Variants in MEAK7 observed in about 807,000 individuals in gnomAD.
The protein encoded by MEAK7 is MTOR associated protein MEAK7, also known as MTOR-associated protein MEAK7.
In MEAK7, 68 loss-of-function variants were observed where a neutral mutation model predicts 40.5. That is an observed-to-expected ratio of 1.68 (90% confidence interval 1.38 to 2.06). The LOEUF is 2.06. Among genes scored for constraint, MEAK7 ranks in the 30% most tolerant of loss-of-function variants. MEAK7 has a pLI of 0.00. For synonymous variants in MEAK7, 338 were observed against 231.9 expected (o/e 1.46, Z -4.16); for missense variants, 918 against 580.5 (o/e 1.58, Z -5.98).
chr16:84,495,866 A>C lies in MEAK7; in HGVS notation c.201T>G (p.Tyr67Ter). ...TCAGGTCGACCCTCCGCATGCCATCATACAGCCTGGTGACCATCTCTGGGG... is the reference window on the plus strand; with the variant it reads ...TCAGGTCGACCCTCCGCATGCCATCCTACAGCCTGGTGACCATCTCTGGGG... ...ALPPEMVTRL[Y>*]DGMRRVDLTG... is the part of the protein sequence containing the mutation. Residue 67 changes from tyrosine to a stop codon, truncating the protein, a stop_gained, in exon 3 of 8, where the codon TAT becomes TAG. Coordinates refer to ENST00000343629, the MANE Select transcript of MEAK7 (RefSeq NM_020947.4). LOFTEE classifies it high-confidence loss of function. The C allele has an allele frequency of 6.2e-7, 1 of 1,614,036 alleles. No individual in the cohort carries two copies.
Position 84,480,037 on chromosome 16 carries a change from GAAGA to G in MEAK7, c.1258-15_1258-12del. On this transcript the variant is annotated splice_polypyrimidine_tract_variant and intron_variant, in intron 7 of 7. Transcript: ENST00000343629. ...CTTGTTGCCCTTGGCCTTGAGAAGA[GAAGA>G]AAGGGTGGGTGTGTTCCATGATGGC... 1 of 1,583,008 alleles carries G rather than the reference GAAGA, an allele frequency of 6.3e-7. No individual in the cohort carries two copies. Among genetic ancestry groups the G allele is most frequent in the Non-Finnish European group, 8.6e-7 (1 of 1,158,474 alleles).
At chr16:84,487,926 C>A (rs1005611810) in intron 4 of MEAK7, 2 of 152,198 alleles carry the variant, frequency 1.3e-5, no homozygotes, top group African/African-American at 2.4e-5. Flanking sequence ...TAAGCTCTTG[C>A]TGACACAAAG....
chr16:84,487,827 G>C (rs1454616554), intron 4 of MEAK7: 2 of 152,188 alleles, frequency 1.3e-5, no homozygotes, highest in African/African-American at 4.8e-5. Context: ...CTGGACCTCT[G>C]TGCCTCAGTT....
At chr16:84,480,286 G>C (rs1436441004) in intron 7 of MEAK7, among the ~76,000 whole-genome samples, 1 of 152,090 alleles carries the variant, frequency 6.6e-6, no homozygotes, top group Non-Finnish European at 1.5e-5. Flanking sequence ...GAGAATGAAG[G>C]GCCACCTGGG....
chr16:84,480,835 C>G, intron 6 of MEAK7, 127 bp from the exon 7 acceptor site: 1 of 1,029,896 alleles, frequency 9.7e-7, no homozygotes, highest in East Asian at 2.9e-5. Context: ...TGGTGAATGC[C>G]ATCATCTTGT....
chr16:84,492,479 CT>C (rs934926331), intron 3 of MEAK7, among the ~76,000 whole-genome samples: 2 of 151,710 alleles, frequency 1.3e-5, no homozygotes, highest in South Asian at 2.1e-4. Flanking sequence ...GGTTTTTACC[CT>C]TTTTTTCAAA....
chr16:84,476,987 G>C lies in MEAK7; in HGVS notation c.*2926C>G, dbSNP rs1286341063. 1 of 152,134 alleles carries C rather than the reference G, an allele frequency of 6.6e-6. No homozygotes were observed. Among genetic ancestry groups the C allele is most frequent in the Admixed American group, 6.6e-5 (1 of 15,260 alleles). The allele number at this position is 152,134 out of a possible 1,614,324, so 9.4% of individuals were successfully genotyped here. A position where few individuals can be genotyped will look rare whatever the true frequency, so the allele number is the denominator to read the frequency against. Reference sequence around the variant, plus strand: ...GCTTATAGCAGCCTCAACCTTCCAGGCCTAAATGATCCTCACACCTCAGCC... The same window carrying C: ...GCTTATAGCAGCCTCAACCTTCCAGCCCTAAATGATCCTCACACCTCAGCC... On this transcript the variant is annotated 3_prime_UTR_variant, in exon 8 of 8. Coordinates refer to ENST00000343629, the MANE Select transcript of MEAK7 (RefSeq NM_020947.4).
In MEAK7 at chr16:84,498,845, T is replaced by A. The variant is rs1282269655; in HGVS notation, c.-25-734A>T. Among the ~76,000 whole-genome samples the A allele has an allele frequency of 2.0e-5, 3 of 152,234 alleles. No individual in the cohort carries two copies. The East Asian group carries it at 5.8e-4, about 29-fold the overall frequency. ...TTGAATAAACTCACCTTGAGAATAC[T>A]GCTACACACTAGTTGGGAAGTTTTT... On this transcript the variant is annotated intron_variant, in intron 1 of 7. Coordinates refer to ENST00000343629, the MANE Select transcript of MEAK7 (RefSeq NM_020947.4).
intron 3 of MEAK7, among the ~76,000 whole-genome samples, chr16:84,489,973 C>T (rs372835424): frequency 9.2e-5 from 14 of 152,232 alleles, no homozygotes; most frequent in South Asian, 4.2e-4. Flanking sequence ...GGGCCCCACT[C>T]CTAGGAAAGT....
intron 1 of MEAK7, among the ~76,000 whole-genome samples, chr16:84,501,242 A>C (rs912267745): frequency 1.2e-4 from 18 of 152,150 alleles, no homozygotes; most frequent in African/African-American, 4.1e-4. Flanking sequence ...AGAGACTCAC[A>C]GGTGATTCAC....
At chr16:84,497,631 C>G (rs1231369155) in intron 2 of MEAK7, 1 of 1,377,160 alleles carries the variant, frequency 7.3e-7, no homozygotes, top group Non-Finnish European at 9.6e-7. Context: ...CATTCATTAT[C>G]TACTCCAGGT....
In MEAK7 at chr16:84,504,126, G is replaced by T. The variant is rs1446712366; in HGVS notation, c.-26+475C>A. ...TGTGCTGGCCACCTACATGGCCTGG[G>T]AACAGTTATCAGCTCACTGTCCTGG... On this transcript the variant is annotated intron_variant, in intron 1 of 7. Coordinates refer to ENST00000343629, the MANE Select transcript of MEAK7 (RefSeq NM_020947.4). The T allele has an allele frequency of 1.2e-5, 12 of 985,516 alleles. 1 individual carries two copies. The South Asian group carries it at 3.8e-4, about 31-fold the overall frequency. The allele number at this position is 985,516 out of a possible 1,614,324, so 61.0% of individuals were successfully genotyped here. A position where few individuals can be genotyped will look rare whatever the true frequency, so the allele number is the denominator to read the frequency against.
At chr16:84,494,217 C>T (rs982601875) in intron 3 of MEAK7, among the ~76,000 whole-genome samples, 4 of 152,124 alleles carry the variant, frequency 2.6e-5, no homozygotes, top group Non-Finnish European at 4.4e-5. Context: ...ACTTATTTTA[C>T]AAATAAGTTG....
chr16:84,486,268 G>A (rs551217000), intron 5 of MEAK7: 10 of 199,804 alleles, frequency 5.0e-5, no homozygotes, highest in East Asian at 2.9e-4. Flanking sequence ...AACGCGTGGC[G>A]GTGGGGGCAG....
chr16:84,488,292 T>G (rs572629502), intron 4 of MEAK7: 47 of 152,324 alleles, frequency 3.1e-4, no homozygotes, highest in Non-Finnish European at 5.6e-4. Context: ...TCTTTCCAAG[T>G]TCCAAATACC....
rs959435816 is a variant in MEAK7, at chr16:84,479,387, A to G, written c.*526T>C. Reference sequence around the variant, plus strand: ...TCAATAGAGAAGTTGAGATCCCAGCAATGCTAATGCCAGCGGAATTCCCTA... The same window carrying G: ...TCAATAGAGAAGTTGAGATCCCAGCGATGCTAATGCCAGCGGAATTCCCTA... On this transcript the variant is annotated 3_prime_UTR_variant, in exon 8 of 8. Transcript: ENST00000343629. 1 of 152,156 alleles carries G rather than the reference A, an allele frequency of 6.6e-6. No individual in the cohort carries two copies. The highest frequency in any genetic ancestry group is 2.4e-5 in the African/African-American group (1 of 41,398). 9.4% of individuals were successfully genotyped at this position (152,156 alleles called of 1,614,324 possible).
intron 5 of MEAK7, among the ~76,000 whole-genome samples, chr16:84,485,445 C>T (rs1912949117): frequency 6.6e-6 from 1 of 152,194 alleles, no homozygotes; most frequent in African/African-American, 2.4e-5. Context: ...AAGGGCAACT[C>T]CACCTGGACA....
chr16:84,479,832 T>A lies in MEAK7; in HGVS notation c.*81A>T. On this transcript the variant is annotated 3_prime_UTR_variant, in exon 8 of 8. Transcript: ENST00000343629. ...GGTACGCTATTACAGTTAAACCATG[T>A]GGGAGGGAAGAGGGGCTGCAGGCGT... The A allele has an allele frequency of 3.7e-6, 4 of 1,072,180 alleles. No individual in the cohort carries two copies. The highest frequency in any genetic ancestry group is 4.0e-6 in the Non-Finnish European group (3 of 750,926). 66.4% of individuals were successfully genotyped at this position (1,072,180 alleles called of 1,614,324 possible).
At chr16:84,497,495 G>C in intron 2 of MEAK7, 1 of 1,290,090 alleles carries the variant, frequency 7.8e-7, no homozygotes, top group Non-Finnish European at 1.0e-6. Flanking sequence ...ACCCATCACC[G>C]CGTCTGTCTC....
Sources: gnomAD v4.1 joint callset for allele counts (sites outside exome capture counted in the v4.1 genomes callset) on GRCh38, gnomAD v4.1.1 for gene constraint, MANE v1.5 for transcripts, NCBI Gene and HGNC (gene_info 2026-07-23, HGNC 2026-07-21) for gene names.